BBOX1: variants seen among roughly 807,000 people sequenced by gnomAD.
BBOX1 encodes gamma-butyrobetaine hydroxylase 1.
In BBOX1, 35 loss-of-function variants were observed where a neutral mutation model predicts 41.6. The ratio of observed to expected loss-of-function variants is 0.84; its 90% CI spans 0.64 to 1.11. BBOX1 has a LOEUF of 1.11. Among genes scored for constraint, BBOX1 ranks in the 50% most tolerant of loss-of-function variants. BBOX1 has a pLI of 0.00. For synonymous variants in BBOX1, 163 were observed against 154.7 expected, an observed-to-expected ratio of 1.05 and a Z score of -0.40; for missense variants, 458 against 460.6, an observed-to-expected ratio of 0.99 and a Z score of 0.05.
At position 27,052,134 on chromosome 11, in the gene BBOX1, G is replaced by C. The variant is rs565982903; in HGVS notation, c.-38-3259G>C. ...GTTTTTCAGTTTTTCCCCTGGTATT[G>C]ATTTGATGACAAAGTCATTATCTTT... is the stretch of plus-strand genomic sequence containing the variant. On this transcript the variant is annotated intron_variant, in intron 2 of 8. Coordinates refer to ENST00000263182, the MANE Select transcript of BBOX1 (RefSeq NM_003986.3). Among the ~76,000 whole-genome samples, 8 of 151,996 alleles carry C rather than the reference G, an allele frequency of 5.3e-5. 1 individual carries two copies. Among genetic ancestry groups the C allele is most frequent in the Middle Eastern group, 3.4e-3 (1 of 292 alleles).
At chr11:27,099,559 T>G (rs1226822357) in intron 5 of BBOX1, among the ~76,000 whole-genome samples, 2 of 152,086 alleles carry the variant, frequency 1.3e-5, no homozygotes, top group East Asian at 3.9e-4. Context: ...ATAAATACTT[T>G]GGAAACTTTA....
chr11:27,043,759 C>A (rs1332533857), intron 2 of BBOX1, among the ~76,000 whole-genome samples: 1 of 150,454 alleles, frequency 6.6e-6, no homozygotes, highest in Non-Finnish European at 1.5e-5. Flanking sequence ...CATGTCCCTG[C>A]GGAGGACATG....
At chr11:27,081,676 T>A (rs543151688) in intron 4 of BBOX1, among the ~76,000 whole-genome samples, 11 of 152,312 alleles carry the variant, frequency 7.2e-5, no homozygotes, top group African/African-American at 2.6e-4. Context: ...CCACCAACAA[T>A]GTAAAAGCAT....
chr11:27,071,653 T>C (rs976189434), intron 4 of BBOX1, among the ~76,000 whole-genome samples: 1 of 152,084 alleles, frequency 6.6e-6, no homozygotes, highest in Admixed American at 6.6e-5. Context: ...CTGATGAACA[T>C]CGATGCAAAA....
chr11:27,113,266 A>C (rs1358869703), intron 5 of BBOX1, among the ~76,000 whole-genome samples: 1 of 151,702 alleles, frequency 6.6e-6, no homozygotes, highest in Non-Finnish European at 1.5e-5. Context: ...GACCTTAAAA[A>C]CATTATCATT....
chr11:27,072,547 C>T (rs564507317), intron 4 of BBOX1, among the ~76,000 whole-genome samples: 21 of 152,238 alleles, frequency 1.4e-4, no homozygotes, highest in African/African-American at 4.1e-4. Flanking sequence ...CCAATGACTT[C>T]GTCACAGAAT....
intron 8 of BBOX1, among the ~76,000 whole-genome samples, chr11:27,126,123 C>G (rs944668169): frequency 6.6e-6 from 1 of 152,054 alleles, no homozygotes; most frequent in Non-Finnish European, 1.5e-5. Context: ...TAAAGTAGTA[C>G]CTAAAGTATT....
intron 6 of BBOX1, among the ~76,000 whole-genome samples, chr11:27,119,028 C>T (rs1590227483): frequency 6.6e-6 from 1 of 151,450 alleles, no homozygotes. Context: ...CAGTGAATTC[C>T]CTCTATGCAC....
At chr11:27,053,966 C>T (rs1371749321) in intron 2 of BBOX1, among the ~76,000 whole-genome samples, 1 of 152,188 alleles carries the variant, frequency 6.6e-6, no homozygotes, top group East Asian at 1.9e-4. Context: ...CCTATTGACT[C>T]TGCTCCATAA....
At chr11:27,067,981 C>A (rs915434200) in intron 4 of BBOX1, among the ~76,000 whole-genome samples, 1 of 151,966 alleles carries the variant, frequency 6.6e-6, no homozygotes, top group Non-Finnish European at 1.5e-5. Flanking sequence ...ATTCATTAGT[C>A]GATGGGCACT....
At chr11:27,047,917 C>CGGTA (rs1851537369) in intron 2 of BBOX1, among the ~76,000 whole-genome samples, 1 of 152,056 alleles carries the variant, frequency 6.6e-6, no homozygotes, top group Non-Finnish European at 1.5e-5. Context: ...TGTAATCTTA[C>CGGTA]CGTCCATACA....
intron 4 of BBOX1, among the ~76,000 whole-genome samples, chr11:27,057,838 G>C (rs73430311): frequency 0.083 from 12,644 of 152,040 alleles, 1,695 homozygotes; most frequent in African/African-American, 0.29. Context: ...ACAAAGCCAC[G>C]TTTGTCTAGG....
In BBOX1 at chr11:27,119,498, G is replaced by T. The variant is rs187956654; in HGVS notation, c.640-151G>T. On this transcript the variant is annotated intron_variant, in intron 6 of 8. Transcript: ENST00000263182. ...CAAAAAAAAAAGTTTATTGGCTTTG[G>T]TTCATTCATAGCTTTTTGAATCTTT... 6.2e-3 allele frequency: 2,829 copies of T among 455,182 alleles called. 9 individuals carry two copies. The highest frequency in any genetic ancestry group is 7.9e-3 in the Non-Finnish European group (2,428 of 308,462). The allele number at this position is 455,182 out of a possible 1,614,324, so 28.2% of individuals were successfully genotyped here.
intron 4 of BBOX1, among the ~76,000 whole-genome samples, chr11:27,075,750 G>C (rs572432954): frequency 3.9e-5 from 6 of 152,318 alleles, no homozygotes; most frequent in African/African-American, 1.2e-4. Context: ...TGAACCCAGA[G>C]GGCACTCCTC....
intron 4 of BBOX1, among the ~76,000 whole-genome samples, chr11:27,060,164 G>A (rs1018567661): frequency 5.3e-5 from 8 of 152,040 alleles, no homozygotes; most frequent in Non-Finnish European, 1.2e-4. Context: ...GGATCACAAG[G>A]GATGATTTCT....
chr11:27,075,760 C>T (rs1857611625), intron 4 of BBOX1, among the ~76,000 whole-genome samples: 3 of 152,194 alleles, frequency 2.0e-5, no homozygotes, highest in South Asian at 4.1e-4. Flanking sequence ...GGGCACTCCT[C>T]TTGTGGGGAT....
intron 2 of BBOX1, among the ~76,000 whole-genome samples, chr11:27,048,268 C>T (rs1035224454): frequency 1.3e-5 from 2 of 152,150 alleles, no homozygotes; most frequent in Non-Finnish European, 2.9e-5. Flanking sequence ...TTTCTCCCAC[C>T]TCCCAGGCCC....
chr11:27,110,096 A>T (rs1204876248), intron 5 of BBOX1, among the ~76,000 whole-genome samples: 2 of 151,936 alleles, frequency 1.3e-5, no homozygotes, highest in Non-Finnish European at 2.9e-5. Context: ...CATATCCTAC[A>T]TCCAATTTAT....
chr11:27,110,886 T>C (rs1334946152), intron 5 of BBOX1, among the ~76,000 whole-genome samples: 1 of 151,962 alleles, frequency 6.6e-6, no homozygotes, highest in African/African-American at 2.4e-5. Context: ...AGCAATCAAA[T>C]GGCATGTATA....
Sources: gnomAD v4.1 joint callset for allele counts (sites outside exome capture counted in the v4.1 genomes callset) on GRCh38, gnomAD v4.1.1 for gene constraint, MANE v1.5 for transcripts, NCBI Gene and HGNC (gene_info 2026-07-23, HGNC 2026-07-21) for gene names.